The following FZD3 variants were observed in gnomAD, a reference collection of about 807,000 sequenced individuals.
FZD3 encodes the protein frizzled class receptor 3.
Under a neutral mutation model 60.7 loss-of-function variants are expected in FZD3, and 30 were observed. That is an observed-to-expected ratio of 0.49 (90% CI 0.37 to 0.67). The LOEUF (loss-of-function observed/expected upper bound fraction) is 0.67, where lower values mean the gene tolerates loss of function less well. FZD3 is among the 30% of genes least tolerant of loss of function. The pLI, the probability that FZD3 is intolerant of heterozygous loss-of-function variation, is 0.00. For missense variants in FZD3, 605 were observed against 838.7 expected (o/e 0.72, Z 3.44); for synonymous variants, 246 against 275.2 (o/e 0.89, Z 1.05).
At position 28,550,440 on chromosome 8, in the gene FZD3, T is replaced by G. The variant is rs1208510157; in HGVS notation, c.1405-1163T>G. Among the ~76,000 whole-genome samples, 5 of 146,928 alleles carry G rather than the reference T, an allele frequency of 3.4e-5. No individual in the cohort carries two copies. The East Asian group carries it at 7.0e-4, about 21-fold the overall frequency. ...ACTTTGGGTTATTAGTTCTGCTGTT[T>G]TTTTTTTTTTGTCTTACAAATACTT... On this transcript the variant is annotated intron_variant, in intron 5 of 7. Transcript: ENST00000240093.
chr8:28,544,667 G>A (rs1805254025), intron 5 of FZD3, among the ~76,000 whole-genome samples: 1 of 152,088 alleles, frequency 6.6e-6, no homozygotes. Context: ...TCCAAAATAT[G>A]TGGGAAGAAA....
intron 1 of FZD3, among the ~76,000 whole-genome samples, chr8:28,497,605 CT>C (rs977092800): frequency 2.2e-4 from 33 of 152,290 alleles, no homozygotes; most frequent in African/African-American, 6.7e-4. Flanking sequence ...TTTAGATGAT[CT>C]TTCTCAATTG....
chr8:28,502,005 A>G lies in FZD3; in HGVS notation c.-344-665A>G, dbSNP rs916445030. Among the ~76,000 whole-genome samples, 26 of 152,212 alleles carry G rather than the reference A, an allele frequency of 1.7e-4. 1 individual carries two copies. The highest frequency in any genetic ancestry group is 1.5e-3 in the Admixed American group (23 of 15,282). On this transcript the variant is annotated intron_variant, in intron 2 of 7. Transcript: ENST00000240093. ...TGTATAAACTAATTCAATGATTAAA[A>G]TGTCTAACGCTTCATACTGCTTTAC...
chr8:28,542,517 A>G (rs1290091971), intron 5 of FZD3, among the ~76,000 whole-genome samples: 1 of 152,148 alleles, frequency 6.6e-6, no homozygotes, highest in Non-Finnish European at 1.5e-5. Context: ...GCATGCCTGT[A>G]ATCCCAGCTA....
chr8:28,547,995 GGC>G (rs1805334343), intron 5 of FZD3, among the ~76,000 whole-genome samples: 1 of 152,066 alleles, frequency 6.6e-6, no homozygotes, highest in Admixed American at 6.5e-5. Context: ...TGGGACTACA[GGC>G]GCCCACCATC....
At chr8:28,555,690 C>A in intron 6 of FZD3, 48 bp from the exon 7 acceptor site, 1 of 1,049,648 alleles carries the variant, frequency 9.5e-7, no homozygotes, top group South Asian at 1.3e-5. Context: ...GCTTATTGGT[C>A]TGAAGGAAGA....
intron 4 of FZD3, among the ~76,000 whole-genome samples, chr8:28,524,998 A>T (rs1019150231): frequency 3.3e-5 from 5 of 152,132 alleles, no homozygotes; most frequent in African/African-American, 1.2e-4. Context: ...AACTAATTTC[A>T]TATCTGTCTC....
At chr8:28,553,711 G>A (rs933066527) in intron 6 of FZD3, among the ~76,000 whole-genome samples, 3 of 152,210 alleles carry the variant, frequency 2.0e-5, no homozygotes, top group Non-Finnish European at 2.9e-5. Flanking sequence ...AAGCCAGAAT[G>A]TGCTCTGGGC....
At chr8:28,525,690 G>C (rs1585970511) in intron 4 of FZD3, among the ~76,000 whole-genome samples, 1 of 152,102 alleles carries the variant, frequency 6.6e-6, no homozygotes, top group Non-Finnish European at 1.5e-5. Context: ...CCATTAGAGG[G>C]TTTTAAGCAG....
intron 5 of FZD3, among the ~76,000 whole-genome samples, chr8:28,542,342 C>CTAA (rs1214683405): frequency 6.6e-6 from 1 of 152,050 alleles, no homozygotes; most frequent in Non-Finnish European, 1.5e-5. Flanking sequence ...CCACTTTGAT[C>CTAA]TAAAATTGCT....
intron 3 of FZD3, among the ~76,000 whole-genome samples, chr8:28,519,041 A>T (rs1302189866): frequency 6.6e-6 from 1 of 152,204 alleles, no homozygotes; most frequent in African/African-American, 2.4e-5. Flanking sequence ...TTATTGTTAT[A>T]TATCAGTTAT....
chr8:28,507,752 T>C (rs77225104), intron 3 of FZD3, among the ~76,000 whole-genome samples: 1 of 147,178 alleles, frequency 6.8e-6, no homozygotes, highest in Non-Finnish European at 1.5e-5. Context: ...AGGGTTTTTG[T>C]TTTTTTTTTG....
intron 5 of FZD3, among the ~76,000 whole-genome samples, chr8:28,549,128 G>A (rs1219023595): frequency 2.6e-5 from 4 of 152,304 alleles, no homozygotes; most frequent in Admixed American, 6.5e-5. Context: ...TGCTTGCTGT[G>A]TTCTCACATG....
chr8:28,524,302 C>T (rs1804661482), intron 4 of FZD3, among the ~76,000 whole-genome samples: 1 of 152,188 alleles, frequency 6.6e-6, no homozygotes, highest in Non-Finnish European at 1.5e-5. Flanking sequence ...ATCCCTCTTA[C>T]TGTACTTATT....
In FZD3 at chr8:28,564,737, G is replaced by T. The variant is rs1258152001; in HGVS notation, c.*1726G>T. The T allele has an allele frequency of 1.3e-5, 2 of 152,164 alleles. No homozygotes were observed. The highest frequency in any genetic ancestry group is 2.9e-5 in the Non-Finnish European group (2 of 68,020). 9.4% of individuals were successfully genotyped at this position (152,164 alleles called of 1,614,324 possible). On this transcript the variant is annotated 3_prime_UTR_variant, in exon 8 of 8. Transcript: ENST00000240093. ...GGTGATTCTTACGGAGGTAATCCAA[G>T]AATCATACTTTGAAGAATTATTCTA...
chr8:28,496,924 G>A (rs1265554686), intron 1 of FZD3, among the ~76,000 whole-genome samples: 1 of 151,610 alleles, frequency 6.6e-6, no homozygotes, highest in East Asian at 1.9e-4. Context: ...CAGGGGCTTG[G>A]TATTAGAGAA....
rs150142894 is a variant in FZD3 at position 28,545,886 on chromosome 8, C to T, written c.1405-5717C>T. Among the ~76,000 whole-genome samples, 218 of 152,204 alleles carry T rather than the reference C, an allele frequency of 1.4e-3. 4 individuals are homozygous for T. In the East Asian group the frequency reaches 0.037, roughly 26 times the overall value. The stretch of plus-strand genomic sequence containing the variant: ...ACCACATAACAATGTTTCAGTCAAC[C>T]GTAGACCGCATATGCGACTATGGTG... On this transcript the variant is annotated intron_variant, in intron 5 of 7. Coordinates refer to ENST00000240093, the MANE Select transcript of FZD3 (RefSeq NM_017412.4).
intron 4 of FZD3, among the ~76,000 whole-genome samples, chr8:28,526,910 T>C (rs1012765593): frequency 2.6e-5 from 4 of 152,214 alleles, no homozygotes; most frequent in Admixed American, 1.3e-4. Flanking sequence ...TTGTTTTCTT[T>C]GTCTCGAGGC....
chr8:28,540,049 A>G (rs1220168261), intron 5 of FZD3, among the ~76,000 whole-genome samples: 2 of 152,152 alleles, frequency 1.3e-5, no homozygotes, highest in South Asian at 2.1e-4. Context: ...TCTGTAGATT[A>G]AATCCAAGCA....
Sources: gnomAD v4.1 joint callset for allele counts (sites outside exome capture counted in the v4.1 genomes callset) on GRCh38, gnomAD v4.1.1 for gene constraint, MANE v1.5 for transcripts, NCBI Gene and HGNC (gene_info 2026-07-23, HGNC 2026-07-21) for gene names.